The following CNNM1 variants were observed in gnomAD, a reference collection of about 807,000 sequenced individuals.
CNNM1 encodes cyclin and CBS domain divalent metal cation transport mediator 1, also known as metal transporter CNNM1.
CNNM1 carries 44 observed loss-of-function variants against 78.8 expected under a neutral mutation model. The ratio of observed to expected loss-of-function variants is 0.56; its 90% CI spans 0.44 to 0.72. CNNM1 has a LOEUF of 0.72. Among genes scored for constraint, CNNM1 ranks in the 30% least tolerant of loss-of-function variants. CNNM1 has a pLI of 0.00. For missense variants in CNNM1, 1,101 were observed against 1,292.2 expected, an observed-to-expected ratio of 0.85 and a Z score of 2.27; for synonymous variants, 584 against 581.5, an observed-to-expected ratio of 1.00 and a Z score of -0.06.
chr10:99,390,519 C>A (rs1437126027), intron 10 of CNNM1, 112 bp downstream of exon 10: 5 of 747,794 alleles, frequency 6.7e-6, no homozygotes, highest in Non-Finnish European at 9.2e-6. Context: ...CTTAGAAACC[C>A]TAATGAGGTA....
intron 2 of CNNM1, 34 bp from the exon 3 acceptor site, chr10:99,360,801 A>C: frequency 1.3e-6 from 2 of 1,551,378 alleles, no homozygotes; most frequent in South Asian, 2.4e-5. Flanking sequence ...CGTGATTCTG[A>C]GATAGCTGTA....
Position 99,345,965 on chromosome 10 carries a change from G to A in CNNM1, c.1574-11547G>A, listed in dbSNP as rs550528935. ...CCGCTTCAGCTTCCCAAAGTGCTGG[G>A]ATTATGAGCCACCACCCTTGATTCT... On this transcript the variant is annotated intron_variant, in intron 1 of 10. Coordinates refer to ENST00000356713, the MANE Select transcript of CNNM1 (RefSeq NM_020348.3). Among the ~76,000 whole-genome samples the A allele has an allele frequency of 1.2e-4, 18 of 152,224 alleles. No homozygotes were observed. The South Asian group carries it at 3.3e-3, about 28-fold the overall frequency.
chr10:99,388,606 A>C (rs2032379315), intron 9 of CNNM1, among the ~76,000 whole-genome samples: 1 of 152,228 alleles, frequency 6.6e-6, no homozygotes, highest in Non-Finnish European at 1.5e-5. Flanking sequence ...ATTGAACCTA[A>C]GACTCAGTTT....
At chr10:99,382,113 A>G (rs1176944047) in intron 7 of CNNM1, among the ~76,000 whole-genome samples, 1 of 152,198 alleles carries the variant, frequency 6.6e-6, no homozygotes, top group African/African-American at 2.4e-5. Flanking sequence ...GGCTGCTGGA[A>G]GGTTTCTCAA....
At chr10:99,350,958 G>T (rs1160649539) in intron 1 of CNNM1, among the ~76,000 whole-genome samples, 1 of 152,216 alleles carries the variant, frequency 6.6e-6, no homozygotes, top group Non-Finnish European at 1.5e-5. Flanking sequence ...GCCCCAAGTT[G>T]TGACAACCAG....
intron 1 of CNNM1, among the ~76,000 whole-genome samples, chr10:99,347,576 A>AACACACACACACACACAC (rs57477706): frequency 0.028 from 3,873 of 140,836 alleles, 96 homozygotes; most frequent in African/African-American, 0.062. Context: ...ACCTTTTTGC[A>AACACACACACACACACAC]ACACACACAC....
chr10:99,350,979 T>C (rs961364236), intron 1 of CNNM1, among the ~76,000 whole-genome samples: 1 of 152,214 alleles, frequency 6.6e-6, no homozygotes, highest in African/African-American at 2.4e-5. Flanking sequence ...ATTGTCTCCA[T>C]ACATGGCCAA....
chr10:99,362,462 CA>C, intron 4 of CNNM1, 66 bp downstream of exon 4: 2 of 1,510,512 alleles, frequency 1.3e-6, no homozygotes, highest in South Asian at 2.5e-5. Context: ...AAGAAATGGC[CA>C]TGCCTCCGTC....
chr10:99,347,841 G>A (rs955296825), intron 1 of CNNM1, among the ~76,000 whole-genome samples: 6 of 151,910 alleles, frequency 3.9e-5, no homozygotes, highest in Non-Finnish European at 7.4e-5. Context: ...GATCTCCACA[G>A]GGCTCCCTAC....
chr10:99,339,419 GA>G (rs1425830370), intron 1 of CNNM1, among the ~76,000 whole-genome samples: 1 of 152,198 alleles, frequency 6.6e-6, no homozygotes, highest in Non-Finnish European at 1.5e-5. Context: ...CCAGACTGCA[GA>G]ATGGTACCAG....
intron 1 of CNNM1, among the ~76,000 whole-genome samples, chr10:99,346,390 T>G (rs1261623594): frequency 6.6e-6 from 1 of 152,228 alleles, no homozygotes; most frequent in Admixed American, 6.5e-5. Flanking sequence ...TGGTTCTGCC[T>G]ACATCATATC....
intron 1 of CNNM1, among the ~76,000 whole-genome samples, chr10:99,347,804 G>T (rs549746917): frequency 1.3e-5 from 2 of 151,968 alleles, no homozygotes; most frequent in African/African-American, 4.8e-5. Context: ...CCCAATGCAT[G>T]ACCTTTACAC....
At position 99,362,249 on chromosome 10, in the gene CNNM1, G is replaced by T. The variant is rs1459961612; in HGVS notation, c.1881G>T (p.Leu627=). The T allele has an allele frequency of 6.2e-7, 1 of 1,613,364 alleles. No individual in the cohort carries two copies. The highest frequency in any genetic ancestry group is 2.2e-5 in the East Asian group (1 of 44,858). The change falls in exon 4 of 11, where the codon CTG becomes CTT. Residue 627 remains leucine, a synonymous_variant. Coordinates refer to ENST00000356713, the MANE Select transcript of CNNM1 (RefSeq NM_020348.3). ...TAGAAGTGGAGCCCTTTAAGTCTCT[G>T]TACCTTTCGGAGAAGATCCTGCTCC... ...MATEVEPFKS[L]YLSEKILLRL...
rs573505575 is a variant in CNNM1 at position 99,336,373 on chromosome 10, G to A, written c.1573+5413G>A. Among the ~76,000 whole-genome samples the A allele has an allele frequency of 3.5e-4, 54 of 152,336 alleles. 1 individual carries two copies. The highest frequency in any genetic ancestry group is 1.8e-3 in the Admixed American group (27 of 15,302). On this transcript the variant is annotated intron_variant, in intron 1 of 10. Coordinates refer to ENST00000356713, the MANE Select transcript of CNNM1 (RefSeq NM_020348.3). Reference sequence around the variant, plus strand: ...ATAGATTATAACATATAGCCTATGTGTGTAGTACACTATATCCTCTAGGTT... The same window carrying A: ...ATAGATTATAACATATAGCCTATGTATGTAGTACACTATATCCTCTAGGTT...
At chr10:99,365,248 G>A in intron 6 of CNNM1, 1 of 603,568 alleles carries the variant, frequency 1.7e-6, no homozygotes, top group East Asian at 2.8e-5. Context: ...GGATGCAGGG[G>A]TTGTGAGGGA....
chr10:99,338,596 A>T (rs1310642527), intron 1 of CNNM1, among the ~76,000 whole-genome samples: 1 of 152,094 alleles, frequency 6.6e-6, no homozygotes, highest in Non-Finnish European at 1.5e-5. Flanking sequence ...GCTTTTATAA[A>T]TTTTTTACTG....
At chr10:99,388,336 G>A in intron 9 of CNNM1, 35 bp downstream of exon 9, 1 of 1,603,188 alleles carries the variant, frequency 6.2e-7, no homozygotes, top group Non-Finnish European at 8.5e-7. Flanking sequence ...TGCAGCAAGG[G>A]AGATCATTGC....
chr10:99,349,496 C>A (rs1294545114), intron 1 of CNNM1, among the ~76,000 whole-genome samples: 2 of 152,100 alleles, frequency 1.3e-5, no homozygotes, highest in Admixed American at 1.3e-4. Flanking sequence ...ATTTCTGATA[C>A]CCAAGTGTGC....
intron 6 of CNNM1, among the ~76,000 whole-genome samples, chr10:99,369,660 C>T (rs1053905157): frequency 1.1e-4 from 16 of 152,078 alleles, no homozygotes; most frequent in Non-Finnish European, 2.2e-4. Flanking sequence ...TTGATCTATA[C>T]AAGATAAGTT....
Sources: allele counts gnomAD v4.1 joint callset (sites outside exome capture counted in the v4.1 genomes callset), GRCh38; gene constraint gnomAD v4.1.1; transcripts MANE v1.5; gene names NCBI Gene and HGNC (gene_info 2026-07-23, HGNC 2026-07-21).